Variants in ELMO1 observed in about 807,000 individuals in gnomAD.
ELMO1 encodes the protein engulfment and cell motility 1, also known as engulfment and cell motility protein 1.
A neutral mutation model predicts 98.9 loss-of-function variants in ELMO1; 26 were observed. The observed-to-expected ratio is 0.26, with a 90% confidence interval of 0.19 to 0.36. The LOEUF (loss-of-function observed/expected upper bound fraction) is 0.36, where lower values mean the gene tolerates loss of function less well. Among genes scored for constraint, ELMO1 ranks in the 10% least tolerant of loss-of-function variants. ELMO1 has a pLI of 1.00. For synonymous variants in ELMO1, 346 were observed against 346.0 expected (o/e 1.00, Z 0.00); for missense variants, 627 against 935.2 (o/e 0.67, Z 4.30).
intron 16 of ELMO1, among the ~76,000 whole-genome samples, chr7:37,010,095 C>T (rs572698209): frequency 6.6e-6 from 1 of 152,012 alleles, no homozygotes; most frequent in Non-Finnish European, 1.5e-5. Context: ...CTAGTGGAGG[C>T]GGAACAGGGC....
At chr7:37,032,184 T>C (rs979548424) in intron 15 of ELMO1, among the ~76,000 whole-genome samples, 17 of 152,170 alleles carry the variant, frequency 1.1e-4, no homozygotes, top group Admixed American at 3.9e-4. Flanking sequence ...TTCACGCTTA[T>C]GACAAAAAGA....
chr7:36,882,173 G>T (rs547053582), intron 18 of ELMO1, among the ~76,000 whole-genome samples: 1 of 152,342 alleles, frequency 6.6e-6, no homozygotes, highest in African/African-American at 2.4e-5. Flanking sequence ...GACCCCGGGG[G>T]CCCTAAGAGT....
At chr7:36,881,345 G>T (rs1456561760) in intron 18 of ELMO1, among the ~76,000 whole-genome samples, 1 of 152,208 alleles carries the variant, frequency 6.6e-6, no homozygotes, top group African/African-American at 2.4e-5. Flanking sequence ...TTCAGTGTCA[G>T]CCACCAGCAG....
chr7:36,860,252 G>C (rs141444240), intron 21 of ELMO1, among the ~76,000 whole-genome samples: 27 of 152,084 alleles, frequency 1.8e-4, no homozygotes, highest in Non-Finnish European at 3.1e-4. Context: ...CTGTGTGGGG[G>C]GTTTGGTGCC....
At chr7:37,270,394 T>C (rs1796490631) in intron 5 of ELMO1, 1 of 152,206 alleles carries the variant, frequency 6.6e-6, no homozygotes, top group South Asian at 2.1e-4. Context: ...ACTAATGTAA[T>C]TTTCAACAAT....
intron 15 of ELMO1, among the ~76,000 whole-genome samples, chr7:37,047,148 T>C (rs1056651289): frequency 6.6e-6 from 1 of 152,248 alleles, no homozygotes; most frequent in Non-Finnish European, 1.5e-5. Context: ...CATAGAGCTA[T>C]GGCTGGCTCA....
intron 16 of ELMO1, among the ~76,000 whole-genome samples, chr7:36,939,262 A>G (rs964123772): frequency 2.0e-5 from 3 of 151,924 alleles, no homozygotes; most frequent in Non-Finnish European, 2.9e-5. Context: ...TCCAAGACTT[A>G]ACCTAGTCAG....
intron 16 of ELMO1, among the ~76,000 whole-genome samples, chr7:36,936,898 G>A (rs1786580711): frequency 6.6e-6 from 1 of 152,158 alleles, no homozygotes; most frequent in African/African-American, 2.4e-5. Context: ...TATAGAGTAA[G>A]CACTGAAAAT....
chr7:37,276,970 G>A (rs183341010), intron 4 of ELMO1, among the ~76,000 whole-genome samples: 2 of 152,158 alleles, frequency 1.3e-5, no homozygotes, highest in East Asian at 3.9e-4. Flanking sequence ...TTTGTTCATT[G>A]GCTGTCTTCC....
intron 20 of ELMO1, among the ~76,000 whole-genome samples, chr7:36,866,247 C>T (rs530460051): frequency 1.3e-5 from 2 of 152,160 alleles, no homozygotes; most frequent in Non-Finnish European, 2.9e-5. Flanking sequence ...CAAATCAAAA[C>T]CTTCCAACTG....
chr7:36,876,841 T>C (rs190571438), intron 19 of ELMO1, among the ~76,000 whole-genome samples: 77 of 152,336 alleles, frequency 5.1e-4, no homozygotes, highest in Non-Finnish European at 9.1e-4. Flanking sequence ...TTCAGATTTC[T>C]TTCTATAACC....
At chr7:37,314,600 C>T (rs112529256) in intron 4 of ELMO1, among the ~76,000 whole-genome samples, 3 of 152,232 alleles carry the variant, frequency 2.0e-5, no homozygotes, top group Non-Finnish European at 2.9e-5. Flanking sequence ...GTAAGAGAGA[C>T]ATATTCACTG....
intron 2 of ELMO1, among the ~76,000 whole-genome samples, chr7:37,328,383 CAAAA>C (rs10669717): frequency 6.2e-5 from 4 of 64,854 alleles, no homozygotes; most frequent in South Asian, 1.3e-3. Context: ...GACCCTGCCA[CAAAA>C]AAAAAAAAAA....
chr7:36,961,303 G>A (rs1330849542), intron 16 of ELMO1, among the ~76,000 whole-genome samples: 1 of 152,070 alleles, frequency 6.6e-6, no homozygotes, highest in Non-Finnish European at 1.5e-5. Context: ...ACCCACGCAC[G>A]GGGACACAGT....
chr7:37,420,072 A>C (rs542638630), intron 1 of ELMO1, among the ~76,000 whole-genome samples: 3 of 152,296 alleles, frequency 2.0e-5, no homozygotes, highest in African/African-American at 7.2e-5. Flanking sequence ...ACCTAATACA[A>C]ATCACTGGGG....
chr7:37,091,531 T>C (rs535743652), intron 15 of ELMO1, among the ~76,000 whole-genome samples: 1 of 152,254 alleles, frequency 6.6e-6, no homozygotes, highest in South Asian at 2.1e-4. Flanking sequence ...AGTAAGCACA[T>C]GTGTATTCAT....
intron 13 of ELMO1, among the ~76,000 whole-genome samples, chr7:37,145,404 C>A (rs757408567): frequency 6.6e-6 from 1 of 152,234 alleles, no homozygotes; most frequent in African/African-American, 2.4e-5. Context: ...GTGCTCAGGA[C>A]TCTTGTCAAT....
At chr7:36,865,337 T>C (rs1802953836) in intron 20 of ELMO1, among the ~76,000 whole-genome samples, 1 of 152,246 alleles carries the variant, frequency 6.6e-6, no homozygotes, top group Non-Finnish European at 1.5e-5. Context: ...ATTTCAGAAC[T>C]ATAGCTTATT....
chr7:37,180,034 C>T (rs1790745024), intron 13 of ELMO1, among the ~76,000 whole-genome samples: 1 of 150,364 alleles, frequency 6.7e-6, no homozygotes, highest in East Asian at 1.9e-4. Context: ...AAAGCAAATT[C>T]CATTTTGCCA....
Sources: gnomAD v4.1 joint callset for allele counts (sites outside exome capture counted in the v4.1 genomes callset) on GRCh38, gnomAD v4.1.1 for gene constraint, MANE v1.5 for transcripts, NCBI Gene and HGNC (gene_info 2026-07-23, HGNC 2026-07-21) for gene names.